Variants in PSD3 observed in about 807,000 individuals in gnomAD.
PSD3 encodes the protein PH and SEC7 domain-containing protein 3.
Under a neutral mutation model 105.5 loss-of-function variants are expected in PSD3, and 49 were observed. The ratio of observed to expected loss-of-function variants is 0.46; its 90% CI spans 0.37 to 0.59. PSD3 has a LOEUF of 0.59. Among genes scored for constraint, PSD3 ranks in the 20% least tolerant of loss-of-function variants. PSD3 has a pLI of 0.00. For synonymous variants in PSD3, 557 were observed against 457.8 expected (o/e 1.22, Z -2.77); for missense variants, 1,561 against 1,263.8 (o/e 1.24, Z -3.57).
intron 1 of PSD3, among the ~76,000 whole-genome samples, chr8:19,023,308 A>T (rs940894980): frequency 6.6e-6 from 1 of 152,180 alleles, no homozygotes; most frequent in African/African-American, 2.4e-5. Context: ...AAGAAAATTA[A>T]ACTTAAAATT....
chr8:18,743,234 A>G (rs1190855448), intron 9 of PSD3, among the ~76,000 whole-genome samples: 2 of 152,304 alleles, frequency 1.3e-5, no homozygotes, highest in Middle Eastern at 6.8e-3. Context: ...TACAAGGGAC[A>G]ATCACAGAGT....
At chr8:18,548,343 G>C (rs78157794) in intron 15 of PSD3, among the ~76,000 whole-genome samples, 3,681 of 152,152 alleles carry the variant, frequency 0.024, 67 homozygotes, top group East Asian at 0.085. Flanking sequence ...TTGGTTACTA[G>C]AATATTATTA....
intron 9 of PSD3, among the ~76,000 whole-genome samples, chr8:18,737,863 C>T (rs1804270053): frequency 6.6e-6 from 1 of 152,096 alleles, no homozygotes; most frequent in South Asian, 2.1e-4. Flanking sequence ...CCTACTTGAG[C>T]CTGATTTCCT....
At chr8:19,003,768 GT>G (rs1256543484) in intron 1 of PSD3, among the ~76,000 whole-genome samples, 1 of 151,842 alleles carries the variant, frequency 6.6e-6, no homozygotes, top group East Asian at 1.9e-4. Context: ...GGGGACTTGG[GT>G]TGTCTTGGAT....
intron 1 of PSD3, among the ~76,000 whole-genome samples, chr8:19,066,005 G>A: frequency 6.6e-6 from 1 of 152,142 alleles, no homozygotes; most frequent in Non-Finnish European, 1.5e-5. Flanking sequence ...TTCTATGCTG[G>A]GAAATGGGTT....
rs1357106193 is a variant in PSD3 at position 18,529,424 on chromosome 8, T to C, written c.*6319A>G. The stretch of plus-strand genomic sequence containing the variant: ...AAAACATTCACTGTGTGTGCATGTG[T>C]GCAAGCATGTGTACACATGTCAGAG... On this transcript the variant is annotated 3_prime_UTR_variant, in exon 16 of 16. Transcript: ENST00000327040. The C allele has an allele frequency of 6.6e-6, 1 of 152,400 alleles. No homozygotes were observed. Among genetic ancestry groups the C allele is most frequent in the Non-Finnish European group, 1.5e-5 (1 of 68,034 alleles). 9.4% of individuals were successfully genotyped at this position (152,400 alleles called of 1,614,324 possible).
At chr8:18,624,684 T>TAAAA (rs35483520) in intron 11 of PSD3, among the ~76,000 whole-genome samples, 2 of 145,476 alleles carry the variant, frequency 1.4e-5, no homozygotes, top group Non-Finnish European at 3.0e-5. Flanking sequence ...CTTAAAGTAT[T>TAAAA]AAAAAAAAAA....
intron 15 of PSD3, among the ~76,000 whole-genome samples, chr8:18,547,665 T>C (rs1800527447): frequency 6.6e-6 from 1 of 152,228 alleles, no homozygotes; most frequent in African/African-American, 2.4e-5. Context: ...GTGGCAGGTA[T>C]GTGTAAGCCA....
intron 9 of PSD3, among the ~76,000 whole-genome samples, chr8:18,737,304 AC>A (rs1804224212): frequency 6.6e-6 from 1 of 152,126 alleles, no homozygotes. Flanking sequence ...GAACCCAGGT[AC>A]TATGCTGTGC....
chr8:19,018,015 G>A (rs1367167987), upstream of PSD3, among the ~76,000 whole-genome samples: 1 of 152,074 alleles, frequency 6.6e-6, no homozygotes, highest in South Asian at 2.1e-4. Flanking sequence ...ATTCCTACCA[G>A]AGCAATGTAT....
intron 2 of PSD3, 115 bp from the exon 3 acceptor site, chr8:18,872,848 G>A: frequency 9.7e-7 from 1 of 1,033,600 alleles, no homozygotes; most frequent in Non-Finnish European, 1.4e-6. Flanking sequence ...CTTGATTATT[G>A]CATTATATCA....
chr8:19,075,136 C>T (rs1352135688), intron 1 of PSD3, among the ~76,000 whole-genome samples: 3 of 151,588 alleles, frequency 2.0e-5, no homozygotes, highest in East Asian at 3.9e-4. Context: ...TCAGTAGAGA[C>T]AGGATTTCAC....
At chr8:18,851,053 G>A (rs1383432513) in intron 4 of PSD3, among the ~76,000 whole-genome samples, 4 of 152,282 alleles carry the variant, frequency 2.6e-5, no homozygotes, top group East Asian at 3.9e-4. Flanking sequence ...CTTGGCCTGC[G>A]AAGCATCAAC....
intron 1 of PSD3, among the ~76,000 whole-genome samples, chr8:18,981,201 A>G (rs1825236272): frequency 6.6e-6 from 1 of 152,222 alleles, no homozygotes. Flanking sequence ...ATGGATACTC[A>G]ATAAATATTT....
At chr8:18,537,260 G>A (rs1487079622) in intron 15 of PSD3, among the ~76,000 whole-genome samples, 1 of 152,120 alleles carries the variant, frequency 6.6e-6, no homozygotes, top group Non-Finnish European at 1.5e-5. Context: ...CTGCTTTACA[G>A]TTAAGGCAAC....
chr8:18,732,823 T>C lies in PSD3; in HGVS notation c.2172+32626A>G, dbSNP rs559368093. ...TCCAAGTGATCATTTCTTCCTTTTT[T>C]TTTTATTTTTTTTTCACAGATATTC... is the stretch of plus-strand genomic sequence containing the variant. On this transcript the variant is annotated intron_variant, in intron 9 of 15. Coordinates refer to ENST00000327040, the MANE Select transcript of PSD3 (RefSeq NM_015310.4). The C allele has an allele frequency of 5.3e-5, 8 of 152,250 alleles. No homozygotes were observed. In the East Asian group the frequency reaches 1.5e-3, roughly 29 times the overall value. 9.4% of individuals were successfully genotyped at this position (152,250 alleles called of 1,614,324 possible). A position where few individuals can be genotyped will look rare whatever the true frequency, so the allele number is the denominator to read the frequency against.
At chr8:18,852,844 T>C (rs971100130) in intron 4 of PSD3, among the ~76,000 whole-genome samples, 1 of 152,222 alleles carries the variant, frequency 6.6e-6, no homozygotes, top group Non-Finnish European at 1.5e-5. Flanking sequence ...TCATTAATGT[T>C]TACTGAGCTC....
intron 9 of PSD3, among the ~76,000 whole-genome samples, chr8:18,680,571 C>A (rs1319643360): frequency 6.6e-6 from 1 of 152,088 alleles, no homozygotes; most frequent in Non-Finnish European, 1.5e-5. Context: ...ACATGTTCTT[C>A]CAAAACATAT....
chr8:19,010,813 A>G (rs932766772), intron 1 of PSD3, among the ~76,000 whole-genome samples: 2 of 152,084 alleles, frequency 1.3e-5, no homozygotes, highest in Non-Finnish European at 2.9e-5. Flanking sequence ...GTTTAACTGT[A>G]AAAGAACTAG....
Sources: gnomAD v4.1 joint callset for allele counts (sites outside exome capture counted in the v4.1 genomes callset) on GRCh38, gnomAD v4.1.1 for gene constraint, MANE v1.5 for transcripts, NCBI Gene and HGNC (gene_info 2026-07-23, HGNC 2026-07-21) for gene names.